EPRS1: variants seen among roughly 807,000 people sequenced by gnomAD.
The protein encoded by EPRS1 is bifunctional glutamate/proline--tRNA ligase.
EPRS1 carries 107 observed loss-of-function variants against 188.3 expected under a neutral mutation model. The observed-to-expected ratio is 0.57, with a 90% CI of 0.49 to 0.67. EPRS1 has a LOEUF of 0.67. Ranked by LOEUF, EPRS1 falls within the 30% of genes least tolerant of loss-of-function variation. The pLI is 0.00. For synonymous variants in EPRS1, 596 were observed against 593.1 expected, an observed-to-expected ratio of 1.00 and a Z score of -0.07; for missense variants, 1,577 against 1,802.2, an observed-to-expected ratio of 0.88 and a Z score of 2.26.
At chr1:220,013,722 T>A (rs1270155327) in intron 12 of EPRS1, among the ~76,000 whole-genome samples, 1 of 152,168 alleles carries the variant, frequency 6.6e-6, no homozygotes, top group Non-Finnish European at 1.5e-5. Context: ...GAGAGTGCCA[T>A]GAACTCTAAA....
chr1:219,998,483 C>T (rs1455471384), intron 17 of EPRS1, among the ~76,000 whole-genome samples: 1 of 151,554 alleles, frequency 6.6e-6, no homozygotes, highest in Non-Finnish European at 1.5e-5. Flanking sequence ...AATGCATATA[C>T]ATTAAATAAA....
intron 13 of EPRS1, among the ~76,000 whole-genome samples, chr1:220,007,961 A>G (rs1157672158): frequency 6.6e-6 from 1 of 151,938 alleles, no homozygotes; most frequent in Non-Finnish European, 1.5e-5. Flanking sequence ...CAGAAAGTTA[A>G]CTGGGCGTGG....
intron 12 of EPRS1, among the ~76,000 whole-genome samples, chr1:220,013,187 A>G (rs890878441): frequency 6.6e-6 from 1 of 152,230 alleles, no homozygotes; most frequent in African/African-American, 2.4e-5. Context: ...AAGCTAGAAG[A>G]AAACTAGTGA....
intron 24 of EPRS1, 84 bp downstream of exon 24, chr1:219,981,294 G>T: frequency 2.3e-6 from 2 of 871,516 alleles, no homozygotes; most frequent in Non-Finnish European, 3.4e-6. Flanking sequence ...CCAATCCTTT[G>T]AAAATAAAAA....
At chr1:219,977,107 G>A (rs900656286) in intron 28 of EPRS1, among the ~76,000 whole-genome samples, 11 of 152,040 alleles carry the variant, frequency 7.2e-5, no homozygotes, top group Non-Finnish European at 1.5e-4. Flanking sequence ...TTGGTCAATC[G>A]CTGTCAAATA....
chr1:220,036,041 A>G (rs1208916924), intron 2 of EPRS1, among the ~76,000 whole-genome samples: 1 of 152,074 alleles, frequency 6.6e-6, no homozygotes, highest in Non-Finnish European at 1.5e-5. Flanking sequence ...CTCTTCTACA[A>G]ATATAAAAAT....
chr1:220,024,968 G>A lies in EPRS1; in HGVS notation c.750+164C>T, dbSNP rs1661946803. On this transcript the variant is annotated intron_variant, in intron 7 of 31. Transcript: ENST00000366923. ...AAATAACTCTTAAGTTTTTTGGTAT[G>A]GGAGCTCGACATTTCTTGGCTTAGG... The A allele has an allele frequency of 2.0e-5, 13 of 653,030 alleles. No homozygotes were observed. The East Asian group carries it at 3.7e-4, about 18-fold the overall frequency. The allele number at this position is 653,030 out of a possible 1,614,324, so 40.5% of individuals were successfully genotyped here. A position where few individuals can be genotyped will look rare whatever the true frequency, so the allele number is the denominator to read the frequency against.
rs1181760501 is a variant in EPRS1, at chr1:220,006,280, T to C, written c.1776A>G (p.Ala592=). Residue 592 remains alanine (A), a synonymous_variant, in exon 15 of 32, where the codon GCA becomes GCG. Coordinates refer to ENST00000366923, the MANE Select transcript of EPRS1 (RefSeq NM_004446.3). ...NADGKIISLD[A]KLNLENKDYK... The stretch of plus-strand genomic sequence containing the variant: ...AGTCTTTGTTTTCCAAATTCAACTT[T>C]GCATCAAGAGATATGATTTTTCCAT... 3 of 1,583,572 alleles carry C rather than the reference T, an allele frequency of 1.9e-6. No individual in the cohort carries two copies. Among genetic ancestry groups the C allele is most frequent in the Non-Finnish European group, 2.6e-6 (3 of 1,162,970 alleles).
chr1:220,007,813 C>G (rs2102581468), intron 13 of EPRS1, among the ~76,000 whole-genome samples: 1 of 152,300 alleles, frequency 6.6e-6, no homozygotes, highest in South Asian at 2.1e-4. Context: ...ACCTGTAATC[C>G]CAGCACTTTG....
In EPRS1 at chr1:219,978,701, C is replaced by T. The variant is rs1426433906; in HGVS notation, c.3928G>A (p.Gly1310Ser). 6.8e-6 allele frequency: 11 copies of T among 1,608,954 alleles called. No homozygotes were observed. Among genetic ancestry groups the T allele is most frequent in the Non-Finnish European group, 8.5e-6 (10 of 1,177,694 alleles). The change falls in exon 28 of 32, where the codon GGC becomes AGC. Residue 1310 changes from glycine (G) to serine (S), a missense_variant. Physicochemically the swap from Gly to Ser is moderately conservative, Grantham distance 56. Transcript: ENST00000366923. ...TCTTCAGAAAGTGCATTGGTAATGCCACAAGGAATAATCACCACCTAGAAT... is the reference window on the plus strand; with the variant it reads ...TCTTCAGAAAGTGCATTGGTAATGCTACAAGGAATAATCACCACCTAGAAT... ...ACVQVVIIPC[G>S]ITNALSEEDK...
intron 2 of EPRS1, among the ~76,000 whole-genome samples, chr1:220,036,116 C>T (rs1184268679): frequency 2.0e-5 from 3 of 152,180 alleles, no homozygotes; most frequent in African/African-American, 7.2e-5. Flanking sequence ...AGGAGAACTG[C>T]TTGAACCCGG....
At chr1:220,032,861 T>C (rs765790530) in intron 4 of EPRS1, among the ~76,000 whole-genome samples, 11 of 152,078 alleles carry the variant, frequency 7.2e-5, no homozygotes, top group Non-Finnish European at 1.0e-4. Flanking sequence ...ATTGTAACCA[T>C]AGTTCCACAG....
At chr1:220,023,892 G>A (rs982355488) in intron 8 of EPRS1, among the ~76,000 whole-genome samples, 1 of 152,218 alleles carries the variant, frequency 6.6e-6, no homozygotes, top group Non-Finnish European at 1.5e-5. Flanking sequence ...GGTGGCTCAT[G>A]CCTGTAATCC....
chr1:219,968,967 T>C lies in EPRS1; in HGVS notation c.4389-11A>G, dbSNP rs745803409. On this transcript the variant is annotated splice_polypyrimidine_tract_variant and intron_variant, in intron 31 of 31. Coordinates refer to ENST00000366923, the MANE Select transcript of EPRS1 (RefSeq NM_004446.3). The stretch of plus-strand genomic sequence containing the variant: ...TCAAGATCTTGATCCCTGAAATTAA[T>C]AACAAATAAGAATTCCACTCATTTA... 5 of 1,613,928 alleles carry C rather than the reference T, an allele frequency of 3.1e-6. 1 individual carries two copies. In the South Asian group the frequency reaches 5.5e-5, roughly 18 times the overall value.
intron 23 of EPRS1, 142 bp downstream of exon 23, chr1:219,982,630 A>G: frequency 1.6e-6 from 1 of 643,938 alleles, no homozygotes; most frequent in South Asian, 2.3e-5. Flanking sequence ...TTAAGTTTGC[A>G]TTCAATCTTC....
chr1:219,978,665 CTTCT>C lies in EPRS1; in HGVS notation c.3960_3963del (p.Glu1321ArgfsTer2). 6.2e-7 allele frequency: 1 copy of C among 1,612,628 alleles called. No individual in the cohort carries two copies. The highest frequency in any genetic ancestry group is 8.5e-7 in the Non-Finnish European group (1 of 1,179,224). On this transcript the variant is annotated frameshift_variant, in exon 28 of 32. Transcript: ENST00000366923. LOFTEE classifies it high-confidence loss of function. ...TAATCATTGCATTTTGCAATCAGCG[CTTCT>C]TTGTCTTCTTCAGAAAGTGCATTGG...
chr1:219,978,784 A>C (rs1490642127), intron 27 of EPRS1, 65 bp from the exon 28 acceptor site: 8 of 1,270,192 alleles, frequency 6.3e-6, no homozygotes, highest in Admixed American at 4.6e-5. Context: ...GAGCTCTCAG[A>C]AGTCGAAACC....
At chr1:219,975,905 C>T (rs116770243) in intron 28 of EPRS1, among the ~76,000 whole-genome samples, 2,154 of 152,016 alleles carry the variant, frequency 0.014, 51 homozygotes, top group African/African-American at 0.049. Flanking sequence ...TGAGAAGGCC[C>T]GGGAGAAGTG....
At chr1:220,019,239 A>T (rs1455039725) in intron 10 of EPRS1, among the ~76,000 whole-genome samples, 160 bp from the exon 11 acceptor site, 1 of 152,198 alleles carries the variant, frequency 6.6e-6, no homozygotes, top group Non-Finnish European at 1.5e-5. Flanking sequence ...GTGAGCCCAA[A>T]TTCAAGGAAC....
Sources: gnomAD v4.1 joint callset for allele counts (sites outside exome capture counted in the v4.1 genomes callset) on GRCh38, gnomAD v4.1.1 for gene constraint, MANE v1.5 for transcripts, NCBI Gene and HGNC (gene_info 2026-07-23, HGNC 2026-07-21) for gene names.